Variants in AGRN observed in about 807,000 individuals in gnomAD.
AGRN encodes the protein agrin, also known as agrin proteoglycan.
In AGRN, 106 loss-of-function variants were observed where a neutral mutation model predicts 211.0. That is an observed-to-expected ratio of 0.50 (90% CI 0.43 to 0.59). The LOEUF (loss-of-function observed/expected upper bound fraction) is 0.59, where lower values mean the gene tolerates loss of function less well. AGRN is among the 20% of genes least tolerant of loss of function. AGRN has a pLI of 0.00. For missense variants in AGRN, 3,040 were observed against 2,982.6 expected (o/e 1.02, Z -0.45); for synonymous variants, 1,525 against 1,332.5 (o/e 1.14, Z -3.15).
At position 1,047,232 on chromosome 1, in the gene AGRN, C is replaced by T. The variant is rs544277692; in HGVS notation, c.3389-95C>T. ...ACCATCTGACTAACATCCACCTTCC[C>T]TTGCACCCTTGTGGCTTGCTGCTGG... On this transcript the variant is annotated intron_variant, in intron 19 of 35. Coordinates refer to ENST00000379370, the MANE Select transcript of AGRN (RefSeq NM_198576.4). The T allele has an allele frequency of 3.0e-4, 457 of 1,519,040 alleles. 5 individuals are homozygous for T. In the South Asian group the frequency reaches 5.6e-3, roughly 19 times the overall value. 94.1% of individuals were successfully genotyped at this position (1,519,040 alleles called of 1,614,324 possible). A position where few individuals can be genotyped will look rare whatever the true frequency, so the allele number is the denominator to read the frequency against.
rs1645435091 is a variant in AGRN, at chr1:1,055,807, A to C, written c.*826A>C. ...CCTGAGAGCGGCTGAGGGCTGCCTC[A>C]CTGCAAATCCTCCCCACAGCGTCAG... On this transcript the variant is annotated 3_prime_UTR_variant, in exon 36 of 36. Coordinates refer to ENST00000379370, the MANE Select transcript of AGRN (RefSeq NM_198576.4). 1 of 152,392 alleles carries C rather than the reference A, an allele frequency of 6.6e-6. No homozygotes were observed. The highest frequency in any genetic ancestry group is 1.5e-5 in the Non-Finnish European group (1 of 68,174). 9.4% of individuals were successfully genotyped at this position (152,392 alleles called of 1,614,324 possible).
rs559237289 is a variant in AGRN, at chr1:1,035,310, C to T, written c.497C>T (p.Pro166Leu). ...GGGACCCACTTCACTCCAGTGCCTC[C>T]GACGCCTCCTGATGGTGAGTAGGGC... ...KPGTHFTPVP[P>L]TPPDACRGML... is the part of the protein sequence containing the mutation. The change falls in exon 3 of 36, where the codon CCG becomes CTG. Residue 166 changes from proline to leucine, a missense_variant. Around this residue, in one of 3 missense-constraint regions of AGRN, gnomAD observed 1,498 missense variants for 1,457.8 expected, o/e 1.03. Transcript: ENST00000379370. 1.5e-5 allele frequency: 25 copies of T among 1,613,124 alleles called. No homozygotes were observed. The highest frequency in any genetic ancestry group is 1.9e-5 in the Non-Finnish European group (22 of 1,179,994).
At position 1,047,801 on chromosome 1, in the gene AGRN, G is replaced by A. The variant is rs1645143168; in HGVS notation, c.3657G>A (p.Val1219=). 6.2e-7 allele frequency: 1 copy of A among 1,604,648 alleles called. No homozygotes were observed. ...CCACAGCCTTCAGGGCACCCGACGT[G>A]GCCCGGGCCCTGCTCCGGCAGATCC... ...DPTTAFRAPD[V]ARALLRQIQV... The change falls in exon 22 of 36, where the codon GTG becomes GTA. Residue 1219 remains valine, a synonymous_variant. Coordinates refer to ENST00000379370, the MANE Select transcript of AGRN (RefSeq NM_198576.4).
At chr1:1,050,370 TC>T in intron 28 of AGRN, 41 bp downstream of exon 28, 1 of 1,612,490 alleles carries the variant, frequency 6.2e-7, no homozygotes, top group South Asian at 1.1e-5. Context: ...GGCCCCCACC[TC>T]CGTCTCTCCT....
intron 33 of AGRN, 33 bp downstream of exon 33, chr1:1,051,848 C>A (rs1490865112): frequency 6.2e-7 from 1 of 1,612,532 alleles, no homozygotes; most frequent in African/African-American, 1.3e-5. Context: ...CTGTCGGTTC[C>A]ATCTGTGCCC....
At chr1:1,054,098 G>A (rs559327830) in intron 34 of AGRN, 121 bp downstream of exon 34, 75 of 1,094,078 alleles carry the variant, frequency 6.9e-5, no homozygotes, top group East Asian at 4.7e-4. Context: ...TGCCTGAGCC[G>A]AGGTCACTGC....
At chr1:1,036,036 G>T (rs1475848287) in intron 3 of AGRN, among the ~76,000 whole-genome samples, 1 of 152,132 alleles carries the variant, frequency 6.6e-6, no homozygotes, top group Non-Finnish European at 1.5e-5. Context: ...GCCAGGCCTG[G>T]GGTCCTTTCC....
intron 1 of AGRN, 102 bp downstream of exon 1, chr1:1,020,475 C>T (rs1054551875): frequency 3.4e-6 from 4 of 1,171,346 alleles, no homozygotes; most frequent in Admixed American, 3.5e-5. Context: ...CCGCAGCCCC[C>T]GCTCCGGCTC....
In AGRN at chr1:1,048,791, C is replaced by A. The variant is rs1189297874; in HGVS notation, c.4106-76C>A. ...TCAAAAAAAAAAAAAAAAAAAAAAGCAGGGGGCGGTTTCAGGGATAAAAGT... is the reference window on the plus strand; with the variant it reads ...TCAAAAAAAAAAAAAAAAAAAAAAGAAGGGGGCGGTTTCAGGGATAAAAGT... On this transcript the variant is annotated intron_variant, in intron 23 of 35. Transcript: ENST00000379370. The surrounding 1 kb of genome is among the most constrained non-coding windows in gnomAD (Gnocchi z 5.9). 9.1e-6 allele frequency: 12 copies of A among 1,318,026 alleles called. No homozygotes were observed. Among genetic ancestry groups the A allele is most frequent in the African/African-American group, 1.7e-5 (1 of 58,310 alleles). The allele number at this position is 1,318,026 out of a possible 1,614,324, so 81.6% of individuals were successfully genotyped here.
chr1:1,048,740 C>G lies in AGRN; in HGVS notation c.4106-127C>G. ...CAGGATCGCGCCACTGCACTCCAGC[C>G]GGGGCAAAAAGAGCAAAACTCCGTC... is the stretch of plus-strand genomic sequence containing the variant. On this transcript the variant is annotated intron_variant, in intron 23 of 35. Transcript: ENST00000379370. This position sits in a 1 kb window ranked among gnomAD's most constrained non-coding sequence, Gnocchi z 5.9. 1 of 1,166,782 alleles carries G rather than the reference C, an allele frequency of 8.6e-7. No individual in the cohort carries two copies. Among genetic ancestry groups the G allele is most frequent in the South Asian group, 1.6e-5 (1 of 61,800 alleles). The allele number at this position is 1,166,782 out of a possible 1,614,324, so 72.3% of individuals were successfully genotyped here.
Position 1,047,555 on chromosome 1 carries a change from G to C in AGRN, c.3517-18G>C, listed in dbSNP as rs886429179. The stretch of plus-strand genomic sequence containing the variant: ...GGCTTGGGCGGCCCCCCAAGTCCTT[G>C]CCTACTCCCTGCCACAGCTGGACGA... On this transcript the variant is annotated intron_variant, in intron 20 of 35. Coordinates refer to ENST00000379370, the MANE Select transcript of AGRN (RefSeq NM_198576.4). The C allele has an allele frequency of 5.6e-6, 9 of 1,612,580 alleles. No individual in the cohort carries two copies. The highest frequency in any genetic ancestry group is 3.3e-4 in the Middle Eastern group (2 of 6,062).
chr1:1,030,459 ATG>A (rs200982817), intron 2 of AGRN, among the ~76,000 whole-genome samples: 2 of 5,672 alleles, frequency 3.5e-4, no homozygotes, highest in Non-Finnish European at 4.8e-4. Context: ...TGAGATCAGC[ATG>A]TGTGTGTGTG....
Position 1,040,724 on chromosome 1 carries a change from G to C in AGRN, c.571G>C (p.Gly191Arg). Residue 191 changes from glycine (G) to arginine (R), a missense_variant, in exon 4 of 36, where the codon GGC (glycine) becomes CGC (arginine). This residue lies in a region of AGRN where 1,498 missense variants were observed against 1,457.8 expected (regional missense o/e 1.03). Coordinates refer to ENST00000379370, the MANE Select transcript of AGRN (RefSeq NM_198576.4). ...AVCEPNAEGP[G>R]RASCVCKKSP... The stretch of plus-strand genomic sequence containing the variant: ...GTGCGAGCCCAACGCGGAGGGGCCG[G>C]GCCGGGCGTCCTGCGTCTGCAAGAA... 6.5e-7 allele frequency: 1 copy of C among 1,546,592 alleles called. No individual in the cohort carries two copies. The highest frequency in any genetic ancestry group is 1.2e-5 in the South Asian group (1 of 84,062).
chr1:1,049,824 T>C, intron 26 of AGRN, 29 bp downstream of exon 26: 1 of 1,607,230 alleles, frequency 6.2e-7, no homozygotes, highest in Non-Finnish European at 8.5e-7. Context: ...CGGGTGGGAG[T>C]GGGACCCCGG....
chr1:1,049,339 C>G lies in AGRN; in HGVS notation c.4402C>G (p.Leu1468Val), dbSNP rs765711896. The change falls in exon 25 of 36, where the codon CTC becomes GTC. Residue 1468 changes from leucine to valine, a missense_variant. Leu to Val is a conservative substitution (Grantham distance 32). Coordinates refer to ENST00000379370, the MANE Select transcript of AGRN (RefSeq NM_198576.4). ...ELSRHWRRGT[L>V]SVDGETPVLG... is the part of the protein sequence containing the mutation. ...GTCCCGGCACTGGCGCCGGGGCACCCTCTCGGTGGATGGTGAGACCCCTGT... is the reference window on the plus strand; with the variant it reads ...GTCCCGGCACTGGCGCCGGGGCACCGTCTCGGTGGATGGTGAGACCCCTGT... The G allele has an allele frequency of 1.2e-4, 199 of 1,598,144 alleles. No individual in the cohort carries two copies. Among genetic ancestry groups the G allele is most frequent in the Non-Finnish European group, 1.6e-4 (184 of 1,179,566 alleles).
rs761541122 is a variant in AGRN at position 1,051,828 on chromosome 1, C to G, written c.5651+13C>G. ...CTGTGACCGAGAGGTAACGTGCCATCCTCTGCTGGCTGTCGGTTCCATCTG... is the reference window on the plus strand; with the variant it reads ...CTGTGACCGAGAGGTAACGTGCCATGCTCTGCTGGCTGTCGGTTCCATCTG... On this transcript the variant is annotated intron_variant, in intron 33 of 35. Coordinates refer to ENST00000379370, the MANE Select transcript of AGRN (RefSeq NM_198576.4). 6.2e-7 allele frequency: 1 copy of G among 1,613,286 alleles called. No homozygotes were observed. Among genetic ancestry groups the G allele is most frequent in the African/African-American group, 1.3e-5 (1 of 74,930 alleles).
At position 1,050,601 on chromosome 1, in the gene AGRN, C is replaced by G; in HGVS notation, c.5141+10C>G. The G allele has an allele frequency of 1.2e-6, 2 of 1,607,302 alleles. No individual in the cohort carries two copies. The highest frequency in any genetic ancestry group is 2.2e-5 in the South Asian group (2 of 90,922). ...GGGCAGCGGTCATCAGGTGGGCCGGCAAGGGTGGCTCTGGGAGGCCTGGGG... is the reference window on the plus strand; with the variant it reads ...GGGCAGCGGTCATCAGGTGGGCCGGGAAGGGTGGCTCTGGGAGGCCTGGGG... On this transcript the variant is annotated intron_variant, in intron 29 of 35. Transcript: ENST00000379370.
intron 3 of AGRN, 54 bp downstream of exon 3, chr1:1,035,378 C>G: frequency 6.2e-7 from 1 of 1,601,820 alleles, no homozygotes; most frequent in Middle Eastern, 1.7e-4. Context: ...TCTTGGGAGT[C>G]AGGGGCCATT....
chr1:1,022,857 C>T (rs1644439736), intron 2 of AGRN, among the ~76,000 whole-genome samples: 1 of 152,284 alleles, frequency 6.6e-6, no homozygotes, highest in Non-Finnish European at 1.5e-5. Context: ...GTCGAGCACT[C>T]CTCGCCGTGG....
Sources: gnomAD v4.1 joint callset for allele counts (sites outside exome capture counted in the v4.1 genomes callset) on GRCh38, gnomAD v4.1.1 for gene constraint, gnomAD v4.1.1 regional missense constraint, Gnocchi (gnomAD v3.1) non-coding constraint, MANE v1.5 for transcripts, NCBI Gene and HGNC (gene_info 2026-07-23, HGNC 2026-07-21) for gene names.